SLC38A12: variants seen among roughly 807,000 people sequenced by gnomAD.
SLC38A12 encodes solute carrier family 38 member 12, also known as putative sodium-coupled neutral amino acid transporter 12.
At chr17:74,821,162 A>G in the SLC38A12 span, among the ~76,000 whole-genome samples, 1 of 152,244 alleles carries the variant, frequency 6.6e-6, no homozygotes, top group African/African-American at 2.4e-5. Context: ...GCCTTGAGCC[A>G]TGCTCACCAG....
chr17:74,821,268 G>T, the SLC38A12 span, among the ~76,000 whole-genome samples: 1 of 152,240 alleles, frequency 6.6e-6, no homozygotes, highest in Admixed American at 6.5e-5. Flanking sequence ...CATCATCTGG[G>T]CCTAGCCCGT....
chr17:74,815,332 A>G, the SLC38A12 span, among the ~76,000 whole-genome samples: 496 of 152,288 alleles, frequency 3.3e-3, 3 homozygotes, highest in African/African-American at 0.011. Flanking sequence ...GGCTGGGACA[A>G]TGCGGCCTTG....
chr17:74,835,064 C>T, the SLC38A12 span, among the ~76,000 whole-genome samples: 1 of 152,188 alleles, frequency 6.6e-6, no homozygotes, highest in Non-Finnish European at 1.5e-5. Context: ...GGAGGGTCAC[C>T]GTAAAGGGCT....
chr17:74,801,590 CAAGG>C, the SLC38A12 span, among the ~76,000 whole-genome samples: 1 of 152,194 alleles, frequency 6.6e-6, no homozygotes, highest in African/African-American at 2.4e-5. Context: ...GACTGGGTGT[CAAGG>C]AAGAATGTGT....
At chr17:74,791,766 C>G in the SLC38A12 span, among the ~76,000 whole-genome samples, 1 of 152,230 alleles carries the variant, frequency 6.6e-6, no homozygotes, top group East Asian at 1.9e-4. Context: ...AAGGGAGCCA[C>G]CCAACTCTGG....
the SLC38A12 span, among the ~76,000 whole-genome samples, chr17:74,811,665 G>A: frequency 2.6e-5 from 4 of 152,038 alleles, no homozygotes; most frequent in South Asian, 2.1e-4. Flanking sequence ...AGGTTGCCGC[G>A]AGCCAAGATC....
the SLC38A12 span, among the ~76,000 whole-genome samples, chr17:74,788,566 A>C: frequency 2.0e-5 from 3 of 152,074 alleles, no homozygotes; most frequent in African/African-American, 7.2e-5. Context: ...CACTTAGTTC[A>C]CACCTCTCTC....
chr17:74,776,513 G>C, the SLC38A12 span: 1 of 152,362 alleles, frequency 6.6e-6, no homozygotes, highest in Non-Finnish European at 1.5e-5. Flanking sequence ...GCTGGTGCTG[G>C]ACAGCTGGCG....
chr17:74,839,481 A>C, the SLC38A12 span: 8 of 212,600 alleles, frequency 3.8e-5, no homozygotes, highest in Non-Finnish European at 5.7e-5. Flanking sequence ...AGCTGGAGAG[A>C]GCTTGGGATC....
chr17:74,780,104 G>A, the SLC38A12 span, among the ~76,000 whole-genome samples: 2 of 152,218 alleles, frequency 1.3e-5, no homozygotes, highest in Non-Finnish European at 1.5e-5. Flanking sequence ...AGGGTCGGCC[G>A]CTGAGGGTGC....
the SLC38A12 span, among the ~76,000 whole-genome samples, chr17:74,784,116 T>G: frequency 6.6e-6 from 1 of 151,940 alleles, no homozygotes; most frequent in Admixed American, 6.6e-5. Context: ...ATTCAGCATG[T>G]GGCTATCTCA....
the SLC38A12 span, among the ~76,000 whole-genome samples, chr17:74,808,293 T>C: frequency 6.6e-6 from 1 of 152,226 alleles, no homozygotes; most frequent in African/African-American, 2.4e-5. Flanking sequence ...AGTTGAGTGC[T>C]CTAAAGAGGA....
the SLC38A12 span, among the ~76,000 whole-genome samples, chr17:74,778,829 C>G: frequency 6.6e-6 from 1 of 151,878 alleles, no homozygotes; most frequent in Non-Finnish European, 1.5e-5. Context: ...CCACCCTGCC[C>G]AGCTAATTTT....
chr17:74,789,603 T>C, the SLC38A12 span, among the ~76,000 whole-genome samples: 2 of 150,952 alleles, frequency 1.3e-5, no homozygotes, highest in Non-Finnish European at 2.9e-5. Flanking sequence ...CCCAGCACTT[T>C]GGGAGGCCGA....
chr17:74,796,751 T>C, the SLC38A12 span, among the ~76,000 whole-genome samples: 6 of 152,228 alleles, frequency 3.9e-5, no homozygotes, highest in Admixed American at 1.3e-4. Flanking sequence ...CTGGTGGGAA[T>C]TTGGTAGCGG....
At chr17:74,835,256 G>A in the SLC38A12 span, among the ~76,000 whole-genome samples, 2 of 152,162 alleles carry the variant, frequency 1.3e-5, no homozygotes, top group African/African-American at 2.4e-5. Context: ...CTCAGGACTC[G>A]GCAGTCCGCA....
At chr17:74,837,044 G>A in the SLC38A12 span, 1 of 1,056,792 alleles carries the variant, frequency 9.5e-7, no homozygotes, top group South Asian at 4.0e-5. Context: ...GAGATGCAGT[G>A]CTGGCACTGC....
chr17:74,811,955 C>A, the SLC38A12 span, among the ~76,000 whole-genome samples: 41 of 151,274 alleles, frequency 2.7e-4, no homozygotes, highest in Non-Finnish European at 5.0e-4. Flanking sequence ...CTTAGGCGGG[C>A]AGATCGCTTG....
chr17:74,839,221 G>A, the SLC38A12 span: 4 of 1,453,494 alleles, frequency 2.8e-6, no homozygotes, highest in Non-Finnish European at 2.7e-6. Context: ...GCTGGGTGGT[G>A]GAGGTGGGCA....
Sources: allele counts gnomAD v4.1 joint callset (sites outside exome capture counted in the v4.1 genomes callset), GRCh38; gene constraint gnomAD v4.1.1; transcripts MANE v1.5; gene names NCBI Gene and HGNC (gene_info 2026-07-23, HGNC 2026-07-21).